Variants in RBMS3 observed in about 807,000 individuals in gnomAD.
RBMS3 encodes the protein RNA binding motif single stranded interacting protein 3.
In RBMS3, 27 loss-of-function variants were observed where a neutral mutation model predicts 66.8. The ratio of observed to expected loss-of-function variants is 0.40; its 90% CI spans 0.30 to 0.56. The LOEUF (loss-of-function observed/expected upper bound fraction) is 0.56, where lower values mean the gene tolerates loss of function less well. Ranked by LOEUF, RBMS3 falls within the 20% of genes least tolerant of loss-of-function variation. The pLI is 0.40. For missense variants in RBMS3, 513 were observed against 549.5 expected (o/e 0.93, Z 0.66); for synonymous variants, 188 against 183.0 (o/e 1.03, Z -0.22).
intron 3 of RBMS3, among the ~76,000 whole-genome samples, chr3:29,510,671 T>G (rs1458033449): frequency 6.6e-6 from 1 of 152,188 alleles, no homozygotes; most frequent in African/African-American, 2.4e-5. Context: ...GGAGCATGAA[T>G]TTTGAGCATC....
chr3:29,290,274 T>C (rs2032709168), intron 1 of RBMS3, among the ~76,000 whole-genome samples: 1 of 151,898 alleles, frequency 6.6e-6, no homozygotes, highest in Non-Finnish European at 1.5e-5. Flanking sequence ...GTGAAGTATT[T>C]GAAGTATTTA....
At chr3:29,450,923 ACACACACACCCCC>A (rs2041993353) in intron 2 of RBMS3, among the ~76,000 whole-genome samples, 3 of 124,154 alleles carry the variant, frequency 2.4e-5, no homozygotes, top group South Asian at 2.4e-4. Context: ...ACACACACAC[ACACACACACCCCC>A]CACACACACA....
At chr3:29,813,039 T>C (rs2149461406) in intron 6 of RBMS3, among the ~76,000 whole-genome samples, 1 of 152,216 alleles carries the variant, frequency 6.6e-6, no homozygotes, top group East Asian at 1.9e-4. Flanking sequence ...TACATAAATA[T>C]ATGCATTTTA....
chr3:29,781,068 A>T, intron 6 of RBMS3, among the ~76,000 whole-genome samples: 1 of 151,070 alleles, frequency 6.6e-6, no homozygotes. Context: ...GCACCCATTA[A>T]CTCGTCATTT....
At chr3:29,902,871 G>T in intron 10 of RBMS3, among the ~76,000 whole-genome samples, 1 of 151,828 alleles carries the variant, frequency 6.6e-6, no homozygotes, top group Admixed American at 6.6e-5. Context: ...GTCTCAATCT[G>T]GTTTGTATCT....
intron 3 of RBMS3, among the ~76,000 whole-genome samples, chr3:29,489,783 G>A (rs1277578791): frequency 2.7e-5 from 4 of 149,184 alleles, no homozygotes; most frequent in African/African-American, 7.4e-5. Context: ...GGTGGCTCAC[G>A]CCTATAATCC....
intron 4 of RBMS3, among the ~76,000 whole-genome samples, chr3:29,650,189 A>G (rs1400393232): frequency 6.6e-6 from 1 of 152,240 alleles, no homozygotes; most frequent in South Asian, 2.1e-4. Context: ...ACAGAAAAGA[A>G]AACACCCAGA....
At chr3:29,707,250 T>C (rs2052943765) in intron 4 of RBMS3, among the ~76,000 whole-genome samples, 1 of 152,252 alleles carries the variant, frequency 6.6e-6, no homozygotes, top group South Asian at 2.1e-4. Flanking sequence ...CTATTTAGTT[T>C]CTCTTTTACA....
chr3:29,689,313 T>C (rs1389958987), intron 4 of RBMS3, among the ~76,000 whole-genome samples: 1 of 152,174 alleles, frequency 6.6e-6, no homozygotes, highest in African/African-American at 2.4e-5. Flanking sequence ...TCATTAATTA[T>C]GTGCTCCCCA....
chr3:29,350,476 A>C (rs907760222), intron 1 of RBMS3, among the ~76,000 whole-genome samples: 2 of 152,178 alleles, frequency 1.3e-5, no homozygotes, highest in Non-Finnish European at 2.9e-5. Flanking sequence ...TTCATGTAAA[A>C]TAAGTGAAAA....
At chr3:29,949,493 A>G (rs1426910880) in intron 12 of RBMS3, among the ~76,000 whole-genome samples, 1 of 151,776 alleles carries the variant, frequency 6.6e-6, no homozygotes, top group Non-Finnish European at 1.5e-5. Flanking sequence ...TGCTCTCTCT[A>G]ATCAATTTAT....
At chr3:29,891,325 C>A (rs1049330611) in intron 8 of RBMS3, among the ~76,000 whole-genome samples, 1 of 151,630 alleles carries the variant, frequency 6.6e-6, no homozygotes, top group South Asian at 2.1e-4. Context: ...CTGAATCTAT[C>A]CAAGTTATCA....
chr3:29,380,662 A>AG (rs2038719993), intron 1 of RBMS3, among the ~76,000 whole-genome samples: 1 of 152,234 alleles, frequency 6.6e-6, no homozygotes, highest in Admixed American at 6.5e-5. Flanking sequence ...AGCCAGGAAT[A>AG]GGGCAGGTCA....
rs1440223291 is a variant in RBMS3, at chr3:29,281,714, C to T, written c.33C>T (p.Tyr11=). ...AACGCCTGGATCAGCCACAAATGTA[C>T]CCCCAGTACACTTACTACTATCCTC... is the stretch of plus-strand genomic sequence containing the variant. MGKRLDQPQM[Y]PQYTYYYPHY... is the part of the protein sequence containing the mutation. Residue 11 remains tyrosine, a synonymous_variant, in exon 1 of 15, where the codon TAC becomes TAT. Transcript: ENST00000383767. 1.2e-6 allele frequency: 2 copies of T among 1,613,502 alleles called. No homozygotes were observed. The highest frequency in any genetic ancestry group is 1.7e-4 in the Middle Eastern group (1 of 6,048).
At chr3:29,962,190 T>C (rs59983291) in intron 12 of RBMS3, among the ~76,000 whole-genome samples, 4,855 of 150,512 alleles carry the variant, frequency 0.032, 256 homozygotes, top group African/African-American at 0.11. Context: ...AGTGTATTGG[T>C]CCCCTTGGAG....
intron 1 of RBMS3, among the ~76,000 whole-genome samples, chr3:29,291,345 G>T (rs985708082): frequency 4.0e-5 from 6 of 151,886 alleles, no homozygotes; most frequent in African/African-American, 1.2e-4. Context: ...AATTTCCGGG[G>T]AGGGACATGT....
chr3:29,336,551 A>C (rs2035961521), intron 1 of RBMS3, among the ~76,000 whole-genome samples: 1 of 152,128 alleles, frequency 6.6e-6, no homozygotes, highest in Non-Finnish European at 1.5e-5. Context: ...GAACGAAAGG[A>C]TTACTTTATA....
intron 4 of RBMS3, among the ~76,000 whole-genome samples, chr3:29,710,406 CTG>C (rs1470083728): frequency 6.6e-6 from 1 of 152,162 alleles, no homozygotes; most frequent in Non-Finnish European, 1.5e-5. Context: ...TACATTTTCT[CTG>C]TGTTTCTCCA....
At chr3:29,862,510 C>T (rs148347978) in intron 6 of RBMS3, among the ~76,000 whole-genome samples, 5 of 152,132 alleles carry the variant, frequency 3.3e-5, no homozygotes, top group Non-Finnish European at 5.9e-5. Flanking sequence ...CAAAGAGAAA[C>T]AGCATTCAAC....
Sources: gnomAD v4.1 joint callset for allele counts (sites outside exome capture counted in the v4.1 genomes callset) on GRCh38, gnomAD v4.1.1 for gene constraint, MANE v1.5 for transcripts, NCBI Gene and HGNC (gene_info 2026-07-23, HGNC 2026-07-21) for gene names.